The following NALCN variants were observed in gnomAD, a reference collection of about 807,000 sequenced individuals.
NALCN encodes the protein sodium leak channel NALCN.
A neutral mutation model predicts 225.3 loss-of-function variants in NALCN; 111 were observed. The observed-to-expected ratio is 0.49, with a 90% CI of 0.42 to 0.58. The LOEUF is 0.58. NALCN is among the 20% of genes least tolerant of loss of function. The pLI is 0.00. For synonymous variants in NALCN, 764 were observed against 769.0 expected (o/e 0.99, Z 0.11); for missense variants, 1,378 against 2,202.4 (o/e 0.63, Z 7.49).
intron 6 of NALCN, among the ~76,000 whole-genome samples, chr13:101,362,472 T>C (rs1343328074): frequency 6.6e-6 from 1 of 152,010 alleles, no homozygotes; most frequent in African/African-American, 2.4e-5. Context: ...ATTACATAAA[T>C]AAACCAGGAA....
intron 1 of NALCN, among the ~76,000 whole-genome samples, chr13:101,412,318 C>A (rs1169330331): frequency 1.3e-5 from 2 of 152,182 alleles, no homozygotes; most frequent in Non-Finnish European, 2.9e-5. Flanking sequence ...TCTCTCCAAA[C>A]AACATCCTCT....
At chr13:101,272,378 G>A (rs2042824474) in intron 10 of NALCN, among the ~76,000 whole-genome samples, 1 of 152,174 alleles carries the variant, frequency 6.6e-6, no homozygotes, top group African/African-American at 2.4e-5. Flanking sequence ...TGTGTGTGAG[G>A]CTATGTTTTC....
chr13:101,213,539 A>G (rs2040607007), intron 13 of NALCN, among the ~76,000 whole-genome samples: 1 of 152,212 alleles, frequency 6.6e-6, no homozygotes, highest in Non-Finnish European at 1.5e-5. Flanking sequence ...AATTTTTACA[A>G]TCTACCCATC....
intron 15 of NALCN, among the ~76,000 whole-genome samples, chr13:101,148,224 A>G (rs1166596232): frequency 6.6e-6 from 1 of 152,176 alleles, no homozygotes; most frequent in Non-Finnish European, 1.5e-5. Flanking sequence ...CCAAGGCGCC[A>G]GCAGGGCCAT....
At position 101,330,209 on chromosome 13, in the gene NALCN, T is replaced by C. The variant is rs114598726; in HGVS notation, c.799+15057A>G. On this transcript the variant is annotated intron_variant, in intron 7 of 43. Transcript: ENST00000251127. ...GGAAATAGATAAAAGAGAGTAAGTT[T>C]TGAATGTATAAATTATCTCAAAGCT... Among the ~76,000 whole-genome samples the C allele has an allele frequency of 9.5e-4, 144 of 152,238 alleles. 1 individual carries two copies. The highest frequency in any genetic ancestry group is 3.3e-3 in the African/African-American group (136 of 41,528).
At chr13:101,258,304 T>A in intron 11 of NALCN, 139 bp downstream of exon 11, 1 of 1,296,798 alleles carries the variant, frequency 7.7e-7, no homozygotes, top group Non-Finnish European at 1.0e-6. Flanking sequence ...GAGGAACCAC[T>A]TAAGAAGCAG....
At chr13:101,247,619 G>T (rs2041936407) in intron 11 of NALCN, among the ~76,000 whole-genome samples, 1 of 151,996 alleles carries the variant, frequency 6.6e-6, no homozygotes, top group South Asian at 2.1e-4. Context: ...CCATCATTTA[G>T]TTGTTTTCAT....
At chr13:101,149,170 G>A (rs1348991022) in intron 15 of NALCN, among the ~76,000 whole-genome samples, 3 of 152,104 alleles carry the variant, frequency 2.0e-5, no homozygotes, top group Middle Eastern at 3.2e-3. Flanking sequence ...GCAGGCGCCT[G>A]TAGTCCCAGC....
At chr13:101,062,753 G>A (rs909897877) in intron 40 of NALCN, among the ~76,000 whole-genome samples, 15 of 152,098 alleles carry the variant, frequency 9.9e-5, no homozygotes, top group Non-Finnish European at 1.5e-5. Context: ...ACAGGTGTGT[G>A]CCACCACGCC....
chr13:101,188,583 C>T (rs966345093), intron 14 of NALCN, among the ~76,000 whole-genome samples: 1 of 151,086 alleles, frequency 6.6e-6, no homozygotes, highest in Non-Finnish European at 1.5e-5. Flanking sequence ...CATATATATA[C>T]ATATATACAC....
intron 7 of NALCN, among the ~76,000 whole-genome samples, chr13:101,340,705 G>A (rs964219728): frequency 2.6e-5 from 4 of 152,176 alleles, no homozygotes; most frequent in Non-Finnish European, 5.9e-5. Context: ...GAACAACTGT[G>A]CTTCAAGCAA....
chr13:101,070,606 G>T (rs938078661), intron 37 of NALCN, among the ~76,000 whole-genome samples: 4 of 152,158 alleles, frequency 2.6e-5, no homozygotes, highest in Non-Finnish European at 4.4e-5. Context: ...TACAGCTCTT[G>T]GGTGACCAGG....
At chr13:101,291,690 A>G (rs1267326905) in intron 9 of NALCN, among the ~76,000 whole-genome samples, 1 of 152,032 alleles carries the variant, frequency 6.6e-6, no homozygotes, top group African/African-American at 2.4e-5. Context: ...TGGGACTACA[A>G]GCTCATGCCA....
intron 15 of NALCN, among the ~76,000 whole-genome samples, chr13:101,160,400 A>T (rs1036195413): frequency 1.3e-5 from 2 of 152,078 alleles, no homozygotes; most frequent in Non-Finnish European, 2.9e-5. Flanking sequence ...ATGAAGGTGT[A>T]ACTGACCAAG....
intron 39 of NALCN, among the ~76,000 whole-genome samples, chr13:101,066,701 A>G (rs1463227040): frequency 2.0e-5 from 3 of 152,134 alleles, no homozygotes; most frequent in Non-Finnish European, 4.4e-5. Flanking sequence ...CTACCTTGAA[A>G]GGAAAGCCCT....
chr13:101,415,350 G>T (rs1291284095), intron 1 of NALCN, among the ~76,000 whole-genome samples: 1 of 151,972 alleles, frequency 6.6e-6, no homozygotes, highest in Non-Finnish European at 1.5e-5. Context: ...GGGCAGTCGG[G>T]CCTAGCTGAT....
intron 39 of NALCN, among the ~76,000 whole-genome samples, chr13:101,066,452 G>A (rs1308724788): frequency 6.6e-6 from 1 of 152,118 alleles, no homozygotes; most frequent in Non-Finnish European, 1.5e-5. Context: ...AAGATGTGTT[G>A]CTACCTTCCA....
At chr13:101,181,263 G>A (rs1190478293) in intron 14 of NALCN, 1 of 518,874 alleles carries the variant, frequency 1.9e-6, no homozygotes, top group Non-Finnish European at 3.8e-6. Flanking sequence ...CAGGCAGAGG[G>A]TTTGGAGGCT....
chr13:101,125,943 G>T (rs1387170030), intron 17 of NALCN, among the ~76,000 whole-genome samples: 1 of 152,062 alleles, frequency 6.6e-6, no homozygotes, highest in Non-Finnish European at 1.5e-5. Flanking sequence ...AAGTTGAGGG[G>T]GGAAAGAAAA....
Sources: allele counts gnomAD v4.1 joint callset (sites outside exome capture counted in the v4.1 genomes callset), GRCh38; gene constraint gnomAD v4.1.1; transcripts MANE v1.5; gene names NCBI Gene and HGNC (gene_info 2026-07-23, HGNC 2026-07-21).